The following AFF1 variants were observed in gnomAD, a reference collection of about 807,000 sequenced individuals.
AFF1 encodes the protein AF4/FMR2 family member 1.
A neutral mutation model predicts 121.7 loss-of-function variants in AFF1; 48 were observed. That is an observed-to-expected ratio of 0.39 (90% CI 0.31 to 0.50). AFF1 has a LOEUF of 0.50. Among genes scored for constraint, AFF1 ranks in the 20% least tolerant of loss-of-function variants. The pLI is 0.76. For missense variants in AFF1, 1,523 were observed against 1,511.7 expected (o/e 1.01, Z -0.12); for synonymous variants, 613 against 563.0 (o/e 1.09, Z -1.26).
chr4:87,080,477 G>T (rs1388291352), intron 4 of AFF1, among the ~76,000 whole-genome samples: 1 of 152,178 alleles, frequency 6.6e-6, no homozygotes, highest in Non-Finnish European at 1.5e-5. Flanking sequence ...GGAGAGTCTG[G>T]CTCCTTTTAG....
intron 2 of AFF1, among the ~76,000 whole-genome samples, chr4:87,033,043 A>T (rs1045174205): frequency 3.3e-5 from 5 of 152,190 alleles, no homozygotes; most frequent in Admixed American, 6.5e-5. Context: ...CCAGCTACTC[A>T]GGAGGCTGAG....
chr4:87,047,224 G>A lies in AFF1; in HGVS notation c.689G>A (p.Arg230Gln), dbSNP rs1427172974. 4 of 1,614,080 alleles carry A rather than the reference G, an allele frequency of 2.5e-6. No homozygotes were observed. Among genetic ancestry groups the A allele is most frequent in the African/African-American group, 1.3e-5 (1 of 75,008 alleles). Reference sequence around the variant, plus strand: ...CATTCCAACCAGCAAACTCTTCCCCGGACGCAAGGAAGCAGCAAGGTTCAT... The same window carrying A: ...CATTCCAACCAGCAAACTCTTCCCCAGACGCAAGGAAGCAGCAAGGTTCAT... ...PIHSNQQTLP[R>Q]TQGSSKVHGS... is the part of the protein sequence containing the mutation. The change falls in exon 4 of 21, where the codon CGG (arginine) becomes CAG (glutamine). Residue 230 changes from arginine to glutamine, a missense_variant. Physicochemically the swap from Arg to Gln is conservative, Grantham distance 43 (BLOSUM62 1). Transcript: ENST00000395146.
intron 2 of AFF1, among the ~76,000 whole-genome samples, chr4:87,002,601 G>A (rs1440145188): frequency 1.3e-5 from 2 of 150,836 alleles, no homozygotes; most frequent in East Asian, 3.9e-4. Context: ...CTGAGACAGG[G>A]TTTCACCATG....
intron 2 of AFF1, among the ~76,000 whole-genome samples, chr4:86,988,138 A>C (rs979720979): frequency 6.6e-6 from 1 of 152,138 alleles, no homozygotes; most frequent in Non-Finnish European, 1.5e-5. Context: ...CAGGGCAATT[A>C]GGATGTTCAT....
At chr4:87,026,314 C>T (rs1728532622) in intron 2 of AFF1, among the ~76,000 whole-genome samples, 1 of 152,208 alleles carries the variant, frequency 6.6e-6, no homozygotes, top group African/African-American at 2.4e-5. Flanking sequence ...CCAGGCTGGT[C>T]TTTGAACCCT....
At chr4:87,030,267 A>G (rs1327483197) in intron 2 of AFF1, among the ~76,000 whole-genome samples, 1 of 152,230 alleles carries the variant, frequency 6.6e-6, no homozygotes, top group Admixed American at 6.5e-5. Flanking sequence ...TGTTGCACCT[A>G]CTTAGCTCTG....
At chr4:87,112,157 A>AC (rs1026103314) in intron 11 of AFF1, among the ~76,000 whole-genome samples, 2 of 152,186 alleles carry the variant, frequency 1.3e-5, no homozygotes, top group African/African-American at 4.8e-5. Flanking sequence ...CCATCAGTTA[A>AC]CCACTTATGT....
chr4:87,025,644 AC>A (rs1204943215), intron 2 of AFF1, among the ~76,000 whole-genome samples: 1 of 152,108 alleles, frequency 6.6e-6, no homozygotes, highest in Non-Finnish European at 1.5e-5. Context: ...TATGGCTGTC[AC>A]GCCTGGGAGG....
intron 2 of AFF1, among the ~76,000 whole-genome samples, chr4:86,965,456 C>T (rs998645761): frequency 6.6e-6 from 1 of 152,188 alleles, no homozygotes; most frequent in East Asian, 1.9e-4. Flanking sequence ...CTCTTATCCA[C>T]CTATTAGCAA....
intron 2 of AFF1, among the ~76,000 whole-genome samples, chr4:87,009,627 T>C (rs898577309): frequency 6.6e-6 from 1 of 152,228 alleles, no homozygotes; most frequent in African/African-American, 2.4e-5. Flanking sequence ...GTGCATTTTC[T>C]TTGGTTACAC....
intron 1 of AFF1, among the ~76,000 whole-genome samples, chr4:86,939,544 G>C (rs772177709): frequency 1.3e-5 from 2 of 152,196 alleles, no homozygotes; most frequent in African/African-American, 2.4e-5. Context: ...ATTTGCACTA[G>C]ATAAGAATCC....
At chr4:87,116,179 G>T (rs1413515747) in intron 12 of AFF1, among the ~76,000 whole-genome samples, 1 of 152,278 alleles carries the variant, frequency 6.6e-6, no homozygotes, top group South Asian at 2.1e-4. Context: ...ATAATGGCAC[G>T]TTGCAAAGTG....
intron 2 of AFF1, among the ~76,000 whole-genome samples, chr4:87,010,946 G>C (rs1726678893): frequency 6.6e-6 from 1 of 152,142 alleles, no homozygotes; most frequent in Non-Finnish European, 1.5e-5. Flanking sequence ...GGGTGCGGTG[G>C]CGGGCGCCTG....
intron 19 of AFF1, 58 bp downstream of exon 19, chr4:87,132,466 C>CAAAAGTCA: frequency 6.5e-7 from 1 of 1,529,106 alleles, no homozygotes; most frequent in South Asian, 1.3e-5. Context: ...TTATTTACTT[C>CAAAAGTCA]TTGCTTTTGC....
chr4:86,989,794 A>G (rs1291216236), intron 2 of AFF1, among the ~76,000 whole-genome samples: 1 of 152,264 alleles, frequency 6.6e-6, no homozygotes, highest in Admixed American at 6.5e-5. Flanking sequence ...CATCAGTGAT[A>G]GACGGGATAA....
chr4:86,998,119 AAAAAAAAAC>A (rs1725377049), intron 2 of AFF1, among the ~76,000 whole-genome samples: 1 of 140,550 alleles, frequency 7.1e-6, no homozygotes, highest in Admixed American at 7.6e-5. Context: ...AAAAAAAAAA[AAAAAAAAAC>A]AAGAAAACTG....
intron 2 of AFF1, among the ~76,000 whole-genome samples, chr4:87,017,107 T>G (rs1560542276): frequency 1.3e-5 from 2 of 150,142 alleles, no homozygotes; most frequent in Admixed American, 6.6e-5. Context: ...ATGTGTTTTT[T>G]TTTTTTTTTT....
rs1730666542 is a variant in AFF1, at chr4:87,046,175, TGAC to T, written c.52_54del (p.Asp18del). On this transcript the variant is annotated inframe_deletion, in exon 3 of 21. Coordinates refer to ENST00000395146, the MANE Select transcript of AFF1 (RefSeq NM_001166693.3). Reference sequence around the variant, plus strand: ...GTGGCATCTGAAACAGTTTGTACAATGACGACAGAAACCTGCTTCGAATTAGAG... The same window carrying T: ...GTGGCATCTGAAACAGTTTGTACAATGACAGAAACCTGCTTCGAATTAGAG... The T allele has an allele frequency of 6.2e-7, 1 of 1,612,808 alleles. No homozygotes were observed. The highest frequency in any genetic ancestry group is 1.3e-5 in the African/African-American group (1 of 74,672).
At chr4:86,994,998 C>T (rs530684216) in intron 2 of AFF1, among the ~76,000 whole-genome samples, 2 of 152,100 alleles carry the variant, frequency 1.3e-5, no homozygotes, top group Non-Finnish European at 2.9e-5. Flanking sequence ...CTCAGCACTT[C>T]GGGAGGCCAA....
Sources: allele counts gnomAD v4.1 joint callset (sites outside exome capture counted in the v4.1 genomes callset), GRCh38; gene constraint gnomAD v4.1.1; transcripts MANE v1.5; gene names NCBI Gene and HGNC (gene_info 2026-07-23, HGNC 2026-07-21).